GON4L: variants seen among roughly 807,000 people sequenced by gnomAD.
GON4L encodes the protein GON-4-like protein.
A neutral mutation model predicts 211.8 loss-of-function variants in GON4L; 87 were observed. The ratio of observed to expected loss-of-function variants is 0.41; its 90% CI spans 0.35 to 0.49. The LOEUF (loss-of-function observed/expected upper bound fraction) is 0.49, where lower values mean the gene tolerates loss of function less well. Ranked by LOEUF, GON4L falls within the 20% of genes least tolerant of loss-of-function variation. The pLI is 0.15. For synonymous variants in GON4L, 875 were observed against 962.6 expected (o/e 0.91, Z 1.68); for missense variants, 2,155 against 2,659.5 (o/e 0.81, Z 4.17).
chr1:155,770,023 T>A (rs1315557993), intron 19 of GON4L, among the ~76,000 whole-genome samples: 1 of 43,692 alleles, frequency 2.3e-5, no homozygotes, highest in Admixed American at 3.9e-4. Context: ...CTCCATTTCT[T>A]AAAAAAAAAA....
chr1:155,848,392 G>A (rs1671452143), intron 2 of GON4L, among the ~76,000 whole-genome samples: 1 of 152,146 alleles, frequency 6.6e-6, no homozygotes, highest in Admixed American at 6.6e-5. Flanking sequence ...TTTGTAATGT[G>A]TCTATGGTGT....
intron 6 of GON4L, among the ~76,000 whole-genome samples, chr1:155,817,390 C>A (rs1050845404): frequency 9.2e-5 from 14 of 152,122 alleles, no homozygotes; most frequent in African/African-American, 3.4e-4. Context: ...CCAAAAGCAC[C>A]TTATGAACAA....
At chr1:155,854,983 G>C (rs1483015072) in intron 1 of GON4L, among the ~76,000 whole-genome samples, 1 of 150,802 alleles carries the variant, frequency 6.6e-6, no homozygotes, top group Non-Finnish European at 1.5e-5. Flanking sequence ...GCAGTGAGCC[G>C]AGATCACTCC....
At chr1:155,776,641 C>T (rs1228120484) in intron 15 of GON4L, among the ~76,000 whole-genome samples, 160 bp from the exon 16 acceptor site, 1 of 152,152 alleles carries the variant, frequency 6.6e-6, no homozygotes, top group Non-Finnish European at 1.5e-5. Context: ...CTCTCAACTT[C>T]CTGTGCTCAA....
intron 12 of GON4L, among the ~76,000 whole-genome samples, chr1:155,788,661 GA>G (rs1665198558): frequency 6.6e-6 from 1 of 152,066 alleles, no homozygotes; most frequent in Non-Finnish European, 1.5e-5. Flanking sequence ...CAATATAAGG[GA>G]ACAAACTAAC....
intron 10 of GON4L, among the ~76,000 whole-genome samples, chr1:155,813,323 T>C (rs2102182179): frequency 6.6e-6 from 1 of 151,958 alleles, no homozygotes; most frequent in Non-Finnish European, 1.5e-5. Context: ...TCCCACCTAT[T>C]CGGGAGGCTG....
At chr1:155,810,824 G>A (rs543465419) in intron 10 of GON4L, among the ~76,000 whole-genome samples, 2 of 151,942 alleles carry the variant, frequency 1.3e-5, no homozygotes, top group South Asian at 4.2e-4. Flanking sequence ...AAACCAGCCT[G>A]GCCAACAATA....
At chr1:155,756,876 C>A in intron 27 of GON4L, 82 bp downstream of exon 27, 1 of 1,038,936 alleles carries the variant, frequency 9.6e-7, no homozygotes. Flanking sequence ...TTGCAGTGAG[C>A]CAAGATTACG....
chr1:155,750,356 T>C lies in GON4L; in HGVS notation c.*228A>G, dbSNP rs1235295992. 9 of 662,424 alleles carry C rather than the reference T, an allele frequency of 1.4e-5. No homozygotes were observed. The Middle Eastern group carries it at 1.2e-3, about 90-fold the overall frequency. The allele number at this position is 662,424 out of a possible 1,614,324, so 41.0% of individuals were successfully genotyped here. Reference sequence around the variant, plus strand: ...AGGAGCTGAACTCCACTCTCGATGCTATTTACAGAGGACATCTGTAAAGTC... The same window carrying C: ...AGGAGCTGAACTCCACTCTCGATGCCATTTACAGAGGACATCTGTAAAGTC... On this transcript the variant is annotated 3_prime_UTR_variant, in exon 32 of 32. Coordinates refer to ENST00000368331, the MANE Select transcript of GON4L (RefSeq NM_001282860.2).
rs375990963 is a variant in GON4L, at chr1:155,776,485, G to A, written c.2092-4C>T. ...TTTGGGTCAAGAGCTGAACGTGCTGGGGATGGAAAGAAAATGATGAAGTGA... is the reference window on the plus strand; with the variant it reads ...TTTGGGTCAAGAGCTGAACGTGCTGAGGATGGAAAGAAAATGATGAAGTGA... On this transcript the variant is annotated splice_polypyrimidine_tract_variant and splice_region_variant and intron_variant, in intron 15 of 31. Transcript: ENST00000368331. 5.4e-5 allele frequency: 87 copies of A among 1,602,250 alleles called. No individual in the cohort carries two copies. Among genetic ancestry groups the A allele is most frequent in the Non-Finnish European group, 7.1e-5 (83 of 1,169,498 alleles).
rs1276267112 is a variant in GON4L at position 155,771,054 on chromosome 1, A to G, written c.2646+13T>C. On this transcript the variant is annotated intron_variant, in intron 19 of 31. Coordinates refer to ENST00000368331, the MANE Select transcript of GON4L (RefSeq NM_001282860.2). ...GGTGAGGTGCCCGGATGGCGCATGCAGGAAACACTCACTTTAATGATGTTG... is the reference window on the plus strand; with the variant it reads ...GGTGAGGTGCCCGGATGGCGCATGCGGGAAACACTCACTTTAATGATGTTG... 2 of 1,614,088 alleles carry G rather than the reference A, an allele frequency of 1.2e-6. No homozygotes were observed. Among genetic ancestry groups the G allele is most frequent in the East Asian group, 4.5e-5 (2 of 44,894 alleles).
intron 3 of GON4L, among the ~76,000 whole-genome samples, chr1:155,823,262 CATTTT>C (rs1255121647): frequency 6.6e-6 from 1 of 152,088 alleles, no homozygotes; most frequent in Non-Finnish European, 1.5e-5. Context: ...TCATCAGATA[CATTTT>C]ATTTTATATC....
intron 28 of GON4L, among the ~76,000 whole-genome samples, chr1:155,753,768 G>A (rs1398670699): frequency 6.6e-6 from 1 of 151,974 alleles, no homozygotes; most frequent in Non-Finnish European, 1.5e-5. Flanking sequence ...GTTTACACAG[G>A]CATGACCATG....
chr1:155,827,154 GA>G, intron 2 of GON4L, 126 bp from the exon 3 acceptor site: 1 of 733,522 alleles, frequency 1.4e-6, no homozygotes, highest in South Asian at 1.6e-5. Context: ...TACTATATAG[GA>G]ATTTTCCTCT....
At chr1:155,746,898 A>C, downstream of GON4L, 1 of 1,596,636 alleles carries the variant, frequency 6.3e-7, no homozygotes, top group East Asian at 2.2e-5. Flanking sequence ...TGAACTTTTT[A>C]ACCCGGTGCC....
chr1:155,809,828 T>C (rs1247733585), intron 10 of GON4L, among the ~76,000 whole-genome samples: 3 of 18,562 alleles, frequency 1.6e-4, no homozygotes, highest in African/African-American at 2.9e-4. Flanking sequence ...TATATAATTA[T>C]AAATTATATA....
chr1:155,747,894 G>T (rs750910131), downstream of GON4L: 3 of 1,569,506 alleles, frequency 1.9e-6, no homozygotes, highest in East Asian at 2.2e-5. Flanking sequence ...CTACCATCGT[G>T]GGGTGAGTGG....
At chr1:155,827,938 C>T (rs534162114) in intron 2 of GON4L, among the ~76,000 whole-genome samples, 7 of 152,078 alleles carry the variant, frequency 4.6e-5, no homozygotes, top group Admixed American at 1.3e-4. Context: ...TAGCCAGGAT[C>T]CAGGAGTTCG....
At chr1:155,753,552 A>T (rs1417589840) in intron 28 of GON4L, 138 bp from the exon 29 acceptor site, 3 of 671,896 alleles carry the variant, frequency 4.5e-6, no homozygotes, top group African/African-American at 1.8e-5. Context: ...TTGTTGACAG[A>T]GTTTCAACTG....
Sources: gnomAD v4.1 joint callset for allele counts (sites outside exome capture counted in the v4.1 genomes callset) on GRCh38, gnomAD v4.1.1 for gene constraint, MANE v1.5 for transcripts, NCBI Gene and HGNC (gene_info 2026-07-23, HGNC 2026-07-21) for gene names.